Variants in SPTLC1 observed in about 807,000 individuals in gnomAD.
SPTLC1 encodes the protein serine palmitoyltransferase long chain base subunit 1, also known as serine palmitoyltransferase 1.
A neutral mutation model predicts 68.9 loss-of-function variants in SPTLC1; 55 were observed. That is an observed-to-expected ratio of 0.80 (90% CI 0.64 to 1.00). SPTLC1 has a LOEUF of 1.00. SPTLC1 is among the 50% of genes least tolerant of loss of function. SPTLC1 has a pLI of 0.00. For missense variants in SPTLC1, 449 were observed against 573.1 expected (o/e 0.78, Z 2.21); for synonymous variants, 197 against 201.6 (o/e 0.98, Z 0.19).
intron 14 of SPTLC1, among the ~76,000 whole-genome samples, 155 bp downstream of exon 14, chr9:92,034,655 A>G (rs1417063983): frequency 6.6e-6 from 1 of 152,238 alleles, no homozygotes; most frequent in African/African-American, 2.4e-5. Flanking sequence ...AGAAACTTCT[A>G]GTTTAAGAGC....
At chr9:92,077,507 C>T (rs1384369100) in intron 5 of SPTLC1, among the ~76,000 whole-genome samples, 1 of 152,104 alleles carries the variant, frequency 6.6e-6, no homozygotes, top group Non-Finnish European at 1.5e-5. Flanking sequence ...GCCCATCAGA[C>T]GACCAGCCTA....
chr9:92,095,751 T>C (rs1835507198), intron 3 of SPTLC1, among the ~76,000 whole-genome samples: 1 of 151,498 alleles, frequency 6.6e-6, no homozygotes, highest in Non-Finnish European at 1.5e-5. Context: ...TGTGGGAAAC[T>C]GGAAAGCAAA....
At chr9:92,057,456 T>C (rs1050412209) in intron 7 of SPTLC1, among the ~76,000 whole-genome samples, 1 of 152,246 alleles carries the variant, frequency 6.6e-6, no homozygotes, top group African/African-American at 2.4e-5. Context: ...TCCAGTGTCA[T>C]AGGAACACTC....
chr9:92,065,112 C>T (rs1464484333), intron 6 of SPTLC1, among the ~76,000 whole-genome samples: 1 of 152,148 alleles, frequency 6.6e-6, no homozygotes, highest in African/African-American at 2.4e-5. Flanking sequence ...CAAAGGATTT[C>T]TATATTATTT....
intron 3 of SPTLC1, among the ~76,000 whole-genome samples, chr9:92,097,828 G>A (rs972238358): frequency 3.3e-5 from 5 of 152,030 alleles, no homozygotes; most frequent in Non-Finnish European, 5.9e-5. Context: ...TATAGATTAC[G>A]TATCAATACA....
At chr9:92,086,945 T>C (rs1038209000) in intron 3 of SPTLC1, among the ~76,000 whole-genome samples, 48 of 151,662 alleles carry the variant, frequency 3.2e-4, no homozygotes, top group African/African-American at 1.1e-3. Context: ...TTTGTTTCTT[T>C]TTATTCTTTT....
chr9:92,072,481 AT>A (rs1223213327), intron 5 of SPTLC1, among the ~76,000 whole-genome samples: 1 of 152,112 alleles, frequency 6.6e-6, no homozygotes, highest in African/African-American at 2.4e-5. Flanking sequence ...CGGGACCTCC[AT>A]TGGGGATGCC....
At chr9:92,095,158 G>A (rs1835486928) in intron 3 of SPTLC1, among the ~76,000 whole-genome samples, 1 of 152,190 alleles carries the variant, frequency 6.6e-6, no homozygotes, top group African/African-American at 2.4e-5. Context: ...GGCATTCAAA[G>A]AAGCAGAAGA....
chr9:92,045,895 C>A (rs558619973), intron 12 of SPTLC1, 104 bp downstream of exon 12: 1 of 1,028,252 alleles, frequency 9.7e-7, no homozygotes, highest in African/African-American at 1.6e-5. Context: ...TTCTTAGCTG[C>A]AATCTGGTCA....
intron 6 of SPTLC1, among the ~76,000 whole-genome samples, chr9:92,063,066 A>G (rs370540010): frequency 6.6e-6 from 1 of 152,188 alleles, no homozygotes; most frequent in East Asian, 1.9e-4. Context: ...AATAGAGAAA[A>G]ACAATGAAAC....
chr9:92,091,262 G>A (rs1367859184), intron 3 of SPTLC1, among the ~76,000 whole-genome samples: 1 of 152,122 alleles, frequency 6.6e-6, no homozygotes, highest in Non-Finnish European at 1.5e-5. Context: ...ACCTTTTAAA[G>A]ACCACAACAA....
intron 14 of SPTLC1, 85 bp from the exon 15 acceptor site, chr9:92,032,643 A>C: frequency 1.3e-6 from 2 of 1,554,486 alleles, no homozygotes; most frequent in Non-Finnish European, 1.8e-6. Context: ...TTTGGAGGCC[A>C]AGGCAGGTGG....
chr9:92,038,482 C>G, intron 12 of SPTLC1, 117 bp from the exon 13 acceptor site: 1 of 777,830 alleles, frequency 1.3e-6, no homozygotes, highest in African/African-American at 1.7e-5. Flanking sequence ...CAGAAGCTTG[C>G]GACTGATGGG....
chr9:92,098,387 G>A (rs763540243), intron 3 of SPTLC1, among the ~76,000 whole-genome samples: 21 of 151,832 alleles, frequency 1.4e-4, no homozygotes, highest in Admixed American at 3.3e-4. Context: ...CTCCCCCTGC[G>A]GACCAGTGAA....
intron 3 of SPTLC1, among the ~76,000 whole-genome samples, chr9:92,084,974 G>A (rs1480849116): frequency 3.3e-5 from 5 of 152,216 alleles, no homozygotes; most frequent in Admixed American, 2.0e-4. Flanking sequence ...TCTTGGAAGG[G>A]TGTATGTGTC....
intron 3 of SPTLC1, among the ~76,000 whole-genome samples, chr9:92,097,753 T>G (rs1372836329): frequency 6.6e-6 from 1 of 152,216 alleles, no homozygotes; most frequent in East Asian, 1.9e-4. Context: ...GTGATAGTTG[T>G]ATAACTCTGG....
intron 3 of SPTLC1, chr9:92,108,340 T>C (rs1264230296): frequency 4.7e-6 from 1 of 211,590 alleles, no homozygotes; most frequent in Non-Finnish European, 9.7e-6. Flanking sequence ...ACAGGTGTTG[T>C]CTGTAGTTGA....
intron 8 of SPTLC1, among the ~76,000 whole-genome samples, chr9:92,055,005 G>A (rs1256076378): frequency 1.3e-5 from 2 of 152,002 alleles, no homozygotes; most frequent in Non-Finnish European, 2.9e-5. Context: ...CAGGAGGATC[G>A]CTTGAGCCCA....
At chr9:92,103,190 G>A (rs535111059) in intron 3 of SPTLC1, among the ~76,000 whole-genome samples, 18 of 152,254 alleles carry the variant, frequency 1.2e-4, no homozygotes, top group African/African-American at 3.1e-4. Context: ...CTTTACATAC[G>A]TGGATCCTTC....
Sources: allele counts gnomAD v4.1 joint callset (sites outside exome capture counted in the v4.1 genomes callset), GRCh38; gene constraint gnomAD v4.1.1; transcripts MANE v1.5; gene names NCBI Gene and HGNC (gene_info 2026-07-23, HGNC 2026-07-21).